The following ADAMTS20 variants were observed in gnomAD, a reference collection of about 807,000 sequenced individuals.
ADAMTS20 encodes the protein ADAM metallopeptidase with thrombospondin type 1 motif 20.
In ADAMTS20, 225 loss-of-function variants were observed where a neutral mutation model predicts 260.1. The observed-to-expected ratio is 0.87, with a 90% CI of 0.78 to 0.97. The LOEUF is 0.97. ADAMTS20 is among the 50% of genes least tolerant of loss of function. ADAMTS20 has a pLI of 0.00. For missense variants in ADAMTS20, 2,400 were observed against 2,337.7 expected (o/e 1.03, Z -0.55); for synonymous variants, 802 against 769.5 (o/e 1.04, Z -0.70).
chr12:43,446,507 G>T, intron 15 of ADAMTS20, 88 bp downstream of exon 15: 2 of 1,013,592 alleles, frequency 2.0e-6, no homozygotes, highest in Non-Finnish European at 2.9e-6. Context: ...AGACAAAACA[G>T]TAACAAAGAA....
chr12:43,433,616 A>C (rs1941490841), intron 19 of ADAMTS20: 1 of 200,958 alleles, frequency 5.0e-6, no homozygotes, highest in African/African-American at 2.4e-5. Flanking sequence ...TACAATGCTA[A>C]AAATAAATGT....
chr12:43,534,268 A>G (rs1029408395), intron 2 of ADAMTS20, among the ~76,000 whole-genome samples: 1 of 150,604 alleles, frequency 6.6e-6, no homozygotes, highest in Non-Finnish European at 1.5e-5. Flanking sequence ...AATGAACTCA[A>G]ACAAATTTAC....
At chr12:43,483,670 G>T (rs1344817758) in intron 7 of ADAMTS20, among the ~76,000 whole-genome samples, 1 of 152,098 alleles carries the variant, frequency 6.6e-6, no homozygotes, top group African/African-American at 2.4e-5. Flanking sequence ...TGACTGGGTG[G>T]TGGATCGCTT....
intron 37 of ADAMTS20, among the ~76,000 whole-genome samples, chr12:43,367,507 A>C (rs1304508088): frequency 6.6e-6 from 1 of 152,026 alleles, no homozygotes; most frequent in African/African-American, 2.4e-5. Context: ...CTAGAAACAA[A>C]AGGCTGTGTC....
intron 28 of ADAMTS20, among the ~76,000 whole-genome samples, chr12:43,406,060 G>T (rs1242172989): frequency 6.6e-6 from 1 of 152,134 alleles, no homozygotes; most frequent in Non-Finnish European, 1.5e-5. Context: ...TTCAAATCCA[G>T]CTTCTCATTA....
rs1019291972 is a variant in ADAMTS20, at chr12:43,359,057, C to A, written c.5539-2469G>T. ...AGGTCCTCTCTCTCTCTCACTGTCT[C>A]TCTCTCCATACATGCATATGTAGTA... On this transcript the variant is annotated intron_variant, in intron 37 of 38. Transcript: ENST00000389420. Among the ~76,000 whole-genome samples the A allele has an allele frequency of 2.0e-5, 3 of 152,132 alleles. No individual in the cohort carries two copies. In the South Asian group the frequency reaches 6.2e-4, roughly 32 times the overall value.
chr12:43,537,537 C>A (rs1243521404), intron 2 of ADAMTS20, among the ~76,000 whole-genome samples: 2 of 152,086 alleles, frequency 1.3e-5, no homozygotes, highest in Non-Finnish European at 2.9e-5. Flanking sequence ...CAATTACATT[C>A]TTTAAGTTAT....
intron 3 of ADAMTS20, among the ~76,000 whole-genome samples, chr12:43,514,560 C>CAAAAAAAAAA (rs58435633): frequency 1.6e-5 from 1 of 63,696 alleles, no homozygotes; most frequent in Non-Finnish European, 2.5e-5. Flanking sequence ...GACTCTATCT[C>CAAAAAAAAAA]AAAAAAAAAA....
chr12:43,420,836 C>T lies in ADAMTS20; in HGVS notation c.4284+4678G>A, dbSNP rs1189537427. 4.8e-3 allele frequency among the ~76,000 whole-genome samples: 260 copies of T among 54,462 alleles called. 2 individuals are homozygous for T. The highest frequency in any genetic ancestry group is 0.017 in the African/African-American group (243 of 14,102). 35.7% of individuals were successfully genotyped at this position (54,462 alleles called of 152,430 possible). ...TTTTTTTTTTTTTTTGAGATGGGGTCTCGGTCTGTCACGCAGGCTGGAATG... is the reference window on the plus strand; with the variant it reads ...TTTTTTTTTTTTTTTGAGATGGGGTTTCGGTCTGTCACGCAGGCTGGAATG... On this transcript the variant is annotated intron_variant, in intron 28 of 38. Coordinates refer to ENST00000389420, the MANE Select transcript of ADAMTS20 (RefSeq NM_025003.5).
Position 43,551,067 on chromosome 12 carries a change from A to G in ADAMTS20, c.295T>C (p.Phe99Leu). ...ACCTCGGTGTAGCCGGCGGCCAGAA[A>G]GGATGCATCGGCGGTCAGGTTCAGC... ...FQLNLTADAS[F>L]LAAGYTEVHL... is the part of the protein sequence containing the mutation. The change falls in exon 2 of 39, where the codon TTT becomes CTT. Residue 99 changes from phenylalanine (F) to leucine (L), a missense_variant. Transcript: ENST00000389420. This position sits in a 1 kb window ranked among gnomAD's most constrained non-coding sequence, Gnocchi z 4.6. The G allele has an allele frequency of 6.2e-7, 1 of 1,613,796 alleles. No individual in the cohort carries two copies. Among genetic ancestry groups the G allele is most frequent in the Non-Finnish European group, 8.5e-7 (1 of 1,179,832 alleles).
intron 7 of ADAMTS20, among the ~76,000 whole-genome samples, chr12:43,489,296 C>T (rs552491092): frequency 6.6e-6 from 1 of 151,838 alleles, no homozygotes; most frequent in African/African-American, 2.4e-5. Flanking sequence ...TATTTTCACA[C>T]ATAAAAGAAT....
intron 3 of ADAMTS20, among the ~76,000 whole-genome samples, chr12:43,504,813 C>T (rs1461101739): frequency 6.6e-6 from 1 of 151,920 alleles, no homozygotes; most frequent in African/African-American, 2.4e-5. Context: ...ACCAATTCAA[C>T]CAAGAGACAA....
chr12:43,523,472 C>A (rs1479657641), intron 3 of ADAMTS20, among the ~76,000 whole-genome samples: 4 of 152,016 alleles, frequency 2.6e-5, no homozygotes, highest in Non-Finnish European at 5.9e-5. Flanking sequence ...GGGTGGGGGG[C>A]AAGTGGAAAG....
chr12:43,369,638 G>T (rs1940064057), intron 36 of ADAMTS20, among the ~76,000 whole-genome samples: 2 of 152,008 alleles, frequency 1.3e-5, no homozygotes, highest in South Asian at 4.1e-4. Context: ...AAACAGAAGA[G>T]TTAAAACGAA....
At position 43,425,520 on chromosome 12, in the gene ADAMTS20, C is replaced by T; in HGVS notation, c.4278G>A (p.Trp1426Ter). The part of the protein sequence containing the change: ...PADVSWHQEP[W>*]TSCSASCGKG... ...GACAAGAGTGCTATCATACCGATGT[C>T]CATGGTTCCTGATGCCATGACACAT... The change falls in exon 28 of 39, where the codon TGG becomes TGA. Residue 1426 changes from tryptophan to a stop codon, truncating the protein, a stop_gained. Coordinates refer to ENST00000389420, the MANE Select transcript of ADAMTS20 (RefSeq NM_025003.5). LOFTEE classifies it high-confidence loss of function. 1 of 1,517,138 alleles carries T rather than the reference C, an allele frequency of 6.6e-7. No homozygotes were observed. The highest frequency in any genetic ancestry group is 1.4e-5 in the African/African-American group (1 of 72,182). The allele number at this position is 1,517,138 out of a possible 1,614,324, so 94.0% of individuals were successfully genotyped here.
In ADAMTS20 at chr12:43,399,124, G is replaced by T. The variant is rs919812787; in HGVS notation, c.4394C>A (p.Thr1465Asn). ...TNCSQVQKPP[T>N]HKACRSVRCP... ...TCTGACAGATCTACAGGCTTTGTGAGTTGGAGGTTTCTGTACTTGACTGCA... is the reference window on the plus strand; with the variant it reads ...TCTGACAGATCTACAGGCTTTGTGATTTGGAGGTTTCTGTACTTGACTGCA... The change falls in exon 29 of 39, where the codon ACT becomes AAT. Residue 1465 changes from threonine to asparagine, a missense_variant. Physicochemically the swap from Thr to Asn is moderately conservative, Grantham distance 65. Coordinates refer to ENST00000389420, the MANE Select transcript of ADAMTS20 (RefSeq NM_025003.5). 6.4e-7 allele frequency: 1 copy of T among 1,552,834 alleles called. No individual in the cohort carries two copies. The highest frequency in any genetic ancestry group is 8.7e-7 in the Non-Finnish European group (1 of 1,147,156).
At chr12:43,488,236 G>A (rs1323678426) in intron 7 of ADAMTS20, among the ~76,000 whole-genome samples, 1 of 151,974 alleles carries the variant, frequency 6.6e-6, no homozygotes, top group Non-Finnish European at 1.5e-5. Flanking sequence ...AGGTTTAACA[G>A]GGAAAATTTT....
At chr12:43,485,276 A>T (rs1942506186) in intron 7 of ADAMTS20, among the ~76,000 whole-genome samples, 1 of 152,142 alleles carries the variant, frequency 6.6e-6, no homozygotes, top group South Asian at 2.1e-4. Context: ...CAACATAAAC[A>T]AGTCAATAAA....
At chr12:43,499,822 A>G (rs1021994267) in intron 4 of ADAMTS20, among the ~76,000 whole-genome samples, 8 of 151,898 alleles carry the variant, frequency 5.3e-5, no homozygotes, top group Non-Finnish European at 1.0e-4. Context: ...TTTTATGTAA[A>G]ATATAGATAA....
Sources: allele counts gnomAD v4.1 joint callset (sites outside exome capture counted in the v4.1 genomes callset), GRCh38; gene constraint gnomAD v4.1.1; non-coding constraint Gnocchi (gnomAD v3.1); transcripts MANE v1.5; gene names NCBI Gene and HGNC (gene_info 2026-07-23, HGNC 2026-07-21).